UHRF2: variants seen among roughly 807,000 people sequenced by gnomAD.
UHRF2 encodes ubiquitin like with PHD and ring finger domains 2, also known as E3 ubiquitin-protein ligase UHRF2.
In UHRF2, 23 loss-of-function variants were observed where a neutral mutation model predicts 96.8. The ratio of observed to expected loss-of-function variants is 0.24; its 90% CI spans 0.17 to 0.34. UHRF2 has a LOEUF of 0.34. Among genes scored for constraint, UHRF2 ranks in the 10% least tolerant of loss-of-function variants. The pLI is 1.00. For missense variants in UHRF2, 685 were observed against 981.5 expected, an observed-to-expected ratio of 0.70 and a Z score of 4.04; for synonymous variants, 385 against 332.6, an observed-to-expected ratio of 1.16 and a Z score of -1.72.
chr9:6,418,970 C>A (rs1414878513), intron 1 of UHRF2, among the ~76,000 whole-genome samples: 2 of 152,176 alleles, frequency 1.3e-5, no homozygotes, highest in Non-Finnish European at 2.9e-5. Flanking sequence ...TCACTCCAGT[C>A]ACATGGCTGC....
At chr9:6,428,092 C>G (rs1227146409) in intron 2 of UHRF2, among the ~76,000 whole-genome samples, 5 of 152,198 alleles carry the variant, frequency 3.3e-5, no homozygotes, top group Admixed American at 6.5e-5. Flanking sequence ...TTTAGCTGAG[C>G]ATGTGGCACT....
At chr9:6,469,772 G>A (rs879300009) in intron 4 of UHRF2, among the ~76,000 whole-genome samples, 3 of 146,878 alleles carry the variant, frequency 2.0e-5, no homozygotes, top group Admixed American at 1.3e-4. Context: ...ACGTATATAT[G>A]TGTGTATATA....
chr9:6,482,212 T>A (rs1823968968), intron 8 of UHRF2, 113 bp downstream of exon 8: 1 of 887,548 alleles, frequency 1.1e-6, no homozygotes, highest in South Asian at 1.6e-5. Flanking sequence ...CTTGTTAGAA[T>A]GAAATATATT....
At chr9:6,480,501 A>C (rs1389533928) in intron 6 of UHRF2, among the ~76,000 whole-genome samples, 1 of 152,236 alleles carries the variant, frequency 6.6e-6, no homozygotes, top group Non-Finnish European at 1.5e-5. Context: ...TCTGGAATAT[A>C]TCTCTACATT....
At chr9:6,479,650 G>A (rs1008348991) in intron 6 of UHRF2, among the ~76,000 whole-genome samples, 1 of 152,090 alleles carries the variant, frequency 6.6e-6, no homozygotes, top group Non-Finnish European at 1.5e-5. Flanking sequence ...AGTTGACTGG[G>A]ACCACAAAAT....
chr9:6,459,420 G>A (rs1300639325), intron 3 of UHRF2, among the ~76,000 whole-genome samples: 1 of 152,210 alleles, frequency 6.6e-6, no homozygotes, highest in African/African-American at 2.4e-5. Context: ...TGTAATCCCA[G>A]CACTTTGTGA....
intron 10 of UHRF2, chr9:6,496,643 G>C (rs1318346143): frequency 6.6e-6 from 1 of 152,182 alleles, no homozygotes; most frequent in East Asian, 1.9e-4. Context: ...TCTTTTTATG[G>C]AGACCTTTAA....
intron 12 of UHRF2, 180 bp downstream of exon 12, chr9:6,498,338 G>C (rs961969263): frequency 4.9e-6 from 3 of 611,160 alleles, no homozygotes; most frequent in Non-Finnish European, 7.5e-6. Context: ...CTAGATGTCA[G>C]ACTGCCCTGG....
intron 3 of UHRF2, among the ~76,000 whole-genome samples, chr9:6,458,745 C>G (rs1157315742): frequency 2.6e-5 from 4 of 152,124 alleles, no homozygotes; most frequent in African/African-American, 9.7e-5. Context: ...ATAAATCATT[C>G]TACTATAAAG....
chr9:6,469,758 A>G (rs926085787), intron 4 of UHRF2, among the ~76,000 whole-genome samples: 2 of 150,472 alleles, frequency 1.3e-5, no homozygotes, highest in Non-Finnish European at 3.0e-5. Context: ...ACGTATATAT[A>G]CACACGTATA....
chr9:6,437,998 C>T (rs1342173682), intron 3 of UHRF2, among the ~76,000 whole-genome samples: 1 of 152,162 alleles, frequency 6.6e-6, no homozygotes, highest in Non-Finnish European at 1.5e-5. Flanking sequence ...GAATATTGTC[C>T]TCCAGCTCTC....
intron 11 of UHRF2, 111 bp downstream of exon 11, chr9:6,497,471 T>C (rs1004523857): frequency 7.5e-6 from 9 of 1,194,772 alleles, no homozygotes; most frequent in Non-Finnish European, 1.1e-5. Flanking sequence ...CCATCTTATA[T>C]TGCTACTTTT....
At chr9:6,417,503 G>C (rs554620781) in intron 1 of UHRF2, among the ~76,000 whole-genome samples, 1 of 152,286 alleles carries the variant, frequency 6.6e-6, no homozygotes, top group Non-Finnish European at 1.5e-5. Context: ...ATTAAATGTG[G>C]AAGAACTTCG....
In UHRF2 at chr9:6,421,280, A is replaced by G. The variant is rs1819914519; in HGVS notation, c.384+138A>G. The G allele has an allele frequency of 1.4e-5, 10 of 694,754 alleles. No individual in the cohort carries two copies. The South Asian group carries it at 2.0e-4, about 14-fold the overall frequency. The allele number at this position is 694,754 out of a possible 1,614,324, so 43.0% of individuals were successfully genotyped here. On this transcript the variant is annotated intron_variant, in intron 2 of 15. Transcript: ENST00000276893. ...TGTTAATATCATAACTTTTAAAAGT[A>G]GTCTTTTAAAAATTGATATGAAATA...
At chr9:6,463,789 T>A (rs563230085) in intron 4 of UHRF2, among the ~76,000 whole-genome samples, 59 of 152,222 alleles carry the variant, frequency 3.9e-4, no homozygotes, top group Non-Finnish European at 6.3e-4. Flanking sequence ...TTTTTTTTTT[T>A]AATGATTAGA....
intron 13 of UHRF2, 130 bp downstream of exon 13, chr9:6,500,061 C>G (rs768892063): frequency 3.0e-6 from 2 of 675,206 alleles, no homozygotes; most frequent in Middle Eastern, 4.2e-4. Context: ...TAGCCTTGAC[C>G]TCCTGGGCTC....
chr9:6,424,589 C>T (rs566538475), intron 2 of UHRF2, among the ~76,000 whole-genome samples: 55 of 152,138 alleles, frequency 3.6e-4, no homozygotes, highest in Non-Finnish European at 7.4e-4. Context: ...AGAGAGTTCC[C>T]ATATATCCCA....
Position 6,500,572 on chromosome 9 carries a change from A to G in UHRF2, c.2026A>G (p.Lys676Glu), listed in dbSNP as rs1433154599. The change falls in exon 14 of 16, where the codon AAA becomes GAA. Residue 676 changes from lysine (K) to glutamate (E), a missense_variant. Transcript: ENST00000276893. ...TCTAGATGACTGTCCAAGTGCCTCCAAAGTGTACAAAGCATCAGATTCAGC... is the reference window on the plus strand; with the variant it reads ...TCTAGATGACTGTCCAAGTGCCTCCGAAGTGTACAAAGCATCAGATTCAGC... ...ISDDDCPSAS[K>E]VYKASDSAEA... 4 of 1,612,406 alleles carry G rather than the reference A, an allele frequency of 2.5e-6. No homozygotes were observed. Among genetic ancestry groups the G allele is most frequent in the Non-Finnish European group, 3.4e-6 (4 of 1,179,814 alleles).
Position 6,454,357 on chromosome 9 carries a change from G to A in UHRF2, c.645-6216G>A, listed in dbSNP as rs190592635. On this transcript the variant is annotated intron_variant, in intron 3 of 15. Transcript: ENST00000276893. ...AATTCATTAAAAATGGTTTGAATTAGGAAAGATGATGATTGAGGCTGGCAG... is the reference window on the plus strand; with the variant it reads ...AATTCATTAAAAATGGTTTGAATTAAGAAAGATGATGATTGAGGCTGGCAG... 2.1e-4 allele frequency among the ~76,000 whole-genome samples: 32 copies of A among 152,314 alleles called. No homozygotes were observed. The East Asian group carries it at 6.2e-3, about 29-fold the overall frequency.
Sources: allele counts gnomAD v4.1 joint callset (sites outside exome capture counted in the v4.1 genomes callset), GRCh38; gene constraint gnomAD v4.1.1; transcripts MANE v1.5; gene names NCBI Gene and HGNC (gene_info 2026-07-23, HGNC 2026-07-21).